Variants in CFAP20DC observed in about 807,000 individuals in gnomAD.
The protein encoded by CFAP20DC is protein CFAP20DC.
CFAP20DC carries 84 observed loss-of-function variants against 101.7 expected under a neutral mutation model. The ratio of observed to expected loss-of-function variants is 0.83; its 90% CI spans 0.69 to 0.99. The LOEUF (loss-of-function observed/expected upper bound fraction) is 0.99. CFAP20DC is among the 50% of genes least tolerant of loss of function. The probability of loss-of-function intolerance (pLI) is 0.00; values close to 1 mark genes in which losing one functional copy is unlikely to be tolerated. For missense variants in CFAP20DC, 1,007 were observed against 970.3 expected (o/e 1.04, Z -0.50); for synonymous variants, 359 against 351.2 (o/e 1.02, Z -0.25).
chr3:58,765,215 A>T (rs1454316850), intron 15 of CFAP20DC, among the ~76,000 whole-genome samples: 1 of 152,132 alleles, frequency 6.6e-6, no homozygotes, highest in East Asian at 1.9e-4. Flanking sequence ...ACAATTTTAT[A>T]TACATTTATT....
At chr3:58,961,292 G>A (rs1345556797) in intron 4 of CFAP20DC, among the ~76,000 whole-genome samples, 8 of 152,228 alleles carry the variant, frequency 5.3e-5, no homozygotes, top group South Asian at 4.2e-4. Flanking sequence ...GGTGGCTCAC[G>A]CCTGTAATCC....
intron 3 of CFAP20DC, among the ~76,000 whole-genome samples, chr3:58,733,920 G>A (rs1030747897): frequency 6.6e-6 from 1 of 152,130 alleles, no homozygotes; most frequent in South Asian, 2.1e-4. Context: ...AAAATATGAA[G>A]CTCTAACTTT....
At chr3:58,845,722 T>G (rs996536686) in intron 13 of CFAP20DC, among the ~76,000 whole-genome samples, 32 of 151,130 alleles carry the variant, frequency 2.1e-4, no homozygotes, top group African/African-American at 7.7e-4. Flanking sequence ...AAAGAGAATT[T>G]TAGACCAATA....
chr3:58,755,201 C>G (rs751047926), intron 15 of CFAP20DC, among the ~76,000 whole-genome samples: 1 of 152,090 alleles, frequency 6.6e-6, no homozygotes, highest in Non-Finnish European at 1.5e-5. Flanking sequence ...CACTGCTCAC[C>G]ACAGCTATCA....
In CFAP20DC at chr3:58,863,735, A is replaced by G. The variant is rs773838863; in HGVS notation, c.1416T>C (p.Ser472=). 2.5e-6 allele frequency: 4 copies of G among 1,613,964 alleles called. No homozygotes were observed. The highest frequency in any genetic ancestry group is 2.5e-6 in the Non-Finnish European group (3 of 1,180,014). ...EHDQQAEESQ[S]VPKDIFTFSS... ...AAAAAGTGAAAATGTCCTTTGGAAC[A>G]CTCTGGGATTCCTCTGCCTGCTGGT... The change falls in exon 12 of 17, where the codon AGT becomes AGC. Residue 472 remains serine, a synonymous_variant. Transcript: ENST00000482387. The surrounding 1 kb of genome is among the most constrained non-coding windows in gnomAD (Gnocchi z 5.9).
intron 4 of CFAP20DC, among the ~76,000 whole-genome samples, chr3:58,938,400 A>T (rs2088013877): frequency 6.6e-6 from 1 of 152,170 alleles, no homozygotes; most frequent in African/African-American, 2.4e-5. Context: ...CTTCAAATTG[A>T]TAGAGGCTCA....
chr3:58,790,902 C>T lies in CFAP20DC; in HGVS notation c.2237+15493G>A, dbSNP rs531742689. Among the ~76,000 whole-genome samples the T allele has an allele frequency of 6.8e-4, 104 of 152,128 alleles. No individual in the cohort carries two copies. In the Middle Eastern group the frequency reaches 0.01, roughly 15 times the overall value. Reference sequence around the variant, plus strand: ...GACTAGAGGAGAAAACAGAGCAACCCAGAAGTGATATTAAAAAATTCAAGA... The same window carrying T: ...GACTAGAGGAGAAAACAGAGCAACCTAGAAGTGATATTAAAAAATTCAAGA... On this transcript the variant is annotated intron_variant, in intron 15 of 16. Transcript: ENST00000482387.
chr3:59,008,153 C>T (rs893664614), intron 4 of CFAP20DC, among the ~76,000 whole-genome samples: 1 of 152,066 alleles, frequency 6.6e-6, no homozygotes, highest in Non-Finnish European at 1.5e-5. Context: ...AGATTCAGGC[C>T]GACAGAGGAA....
At chr3:58,862,811 G>A (rs2079360155) in intron 12 of CFAP20DC, 1 of 984,832 alleles carries the variant, frequency 1.0e-6, no homozygotes, top group African/African-American at 1.7e-5. Flanking sequence ...TTTCCAGAAA[G>A]TATGAATGAC....
intron 15 of CFAP20DC, among the ~76,000 whole-genome samples, chr3:58,780,251 C>A (rs978818729): frequency 6.6e-6 from 1 of 152,042 alleles, no homozygotes; most frequent in African/African-American, 2.4e-5. Flanking sequence ...AGAACAATTA[C>A]TATTGTCATG....
Position 58,721,929 on chromosome 3 carries a change from C to G in CFAP20DC, c.198-4301G>C, listed in dbSNP as rs1175848414. On this transcript the variant is annotated intron_variant, in intron 3 of 3. Transcript: ENST00000486145. This position sits in a 1 kb window ranked among gnomAD's most constrained non-coding sequence, Gnocchi z 5.2. Reference sequence around the variant, plus strand: ...GCCCTTCTGTGATGTGACCTGGCCACAGCTCCCTTGAGCCTGGGCTGGCCT... The same window carrying G: ...GCCCTTCTGTGATGTGACCTGGCCAGAGCTCCCTTGAGCCTGGGCTGGCCT... Among the ~76,000 whole-genome samples, 1 of 152,248 alleles carries G rather than the reference C, an allele frequency of 6.6e-6. No homozygotes were observed. The highest frequency in any genetic ancestry group is 1.9e-4 in the East Asian group (1 of 5,198).
chr3:58,842,658 C>G (rs185823531), intron 13 of CFAP20DC, among the ~76,000 whole-genome samples: 318 of 152,330 alleles, frequency 2.1e-3, no homozygotes, highest in African/African-American at 7.2e-3. Context: ...GGGTGGAGCC[C>G]GCCACAGCTC....
At chr3:58,793,314 T>G (rs1440900137) in intron 15 of CFAP20DC, among the ~76,000 whole-genome samples, 1 of 152,204 alleles carries the variant, frequency 6.6e-6, no homozygotes, top group South Asian at 2.1e-4. Flanking sequence ...CTTCATTTAC[T>G]GTATGCCTTG....
chr3:58,971,703 C>A lies in CFAP20DC; in HGVS notation c.279-33941G>T, dbSNP rs184476135. ...TCTAGCCATGCAATGGTATATATAG[C>A]GCTATTAAAAAGAGTGAGACAGATT... On this transcript the variant is annotated intron_variant, in intron 4 of 16. Coordinates refer to ENST00000482387, the MANE Select transcript of CFAP20DC (RefSeq NM_001394063.1). This position sits in a 1 kb window ranked among gnomAD's most constrained non-coding sequence, Gnocchi z 4.1. 6.6e-6 allele frequency among the ~76,000 whole-genome samples: 1 copy of A among 151,900 alleles called. No individual in the cohort carries two copies. Among genetic ancestry groups the A allele is most frequent in the African/African-American group, 2.4e-5 (1 of 41,358 alleles).
intron 3 of CFAP20DC, chr3:58,726,910 A>G (rs1254210779): frequency 4.1e-6 from 1 of 243,264 alleles, no homozygotes; most frequent in Non-Finnish European, 8.2e-6. Context: ...CGCCATCAGA[A>G]GAGATGAGAG....
At position 59,007,256 on chromosome 3, in the gene CFAP20DC, G is replaced by A. The variant is rs1209778394; in HGVS notation, c.278+32301C>T. 1.3e-5 allele frequency among the ~76,000 whole-genome samples: 2 copies of A among 151,940 alleles called. No individual in the cohort carries two copies. The highest frequency in any genetic ancestry group is 1.5e-5 in the Non-Finnish European group (1 of 68,002). ...CCCATCTGAAGGTACTCCTCTACCC[G>A]CCCTGGTAGCTGAACACAAAAGACA... On this transcript the variant is annotated intron_variant, in intron 4 of 16. Transcript: ENST00000482387. The surrounding 1 kb of genome is among the most constrained non-coding windows in gnomAD (Gnocchi z 4.4).
chr3:58,842,554 A>C (rs2077223379), intron 13 of CFAP20DC, among the ~76,000 whole-genome samples: 1 of 151,630 alleles, frequency 6.6e-6, no homozygotes, highest in South Asian at 2.1e-4. Context: ...CAGCAGTCTG[A>C]GATCAAACTG....
intron 4 of CFAP20DC, among the ~76,000 whole-genome samples, chr3:58,993,367 G>A (rs1246627076): frequency 2.0e-5 from 3 of 152,066 alleles, no homozygotes; most frequent in East Asian, 1.9e-4. Flanking sequence ...AATAGAGAAC[G>A]CTGTTTACCC....
chr3:58,761,709 T>G (rs1240830942), intron 15 of CFAP20DC, among the ~76,000 whole-genome samples: 1 of 152,250 alleles, frequency 6.6e-6, no homozygotes, highest in East Asian at 1.9e-4. Context: ...CTGCTTTGAA[T>G]GTGTCCCAGA....
Sources: allele counts gnomAD v4.1 joint callset (sites outside exome capture counted in the v4.1 genomes callset), GRCh38; gene constraint gnomAD v4.1.1; non-coding constraint Gnocchi (gnomAD v3.1); transcripts MANE v1.5; gene names NCBI Gene and HGNC (gene_info 2026-07-23, HGNC 2026-07-21).